GRIP2: variants seen among roughly 807,000 people sequenced by gnomAD.
The protein encoded by GRIP2 is glutamate receptor interacting protein 2.
GRIP2 carries 58 observed loss-of-function variants against 108.3 expected under a neutral mutation model. That is an observed-to-expected ratio of 0.54 (90% CI 0.43 to 0.67). The LOEUF (loss-of-function observed/expected upper bound fraction) is 0.67, where lower values mean the gene tolerates loss of function less well. GRIP2 is among the 30% of genes least tolerant of loss of function. The probability of loss-of-function intolerance (pLI) is 0.00; values close to 1 mark genes in which losing one functional copy is unlikely to be tolerated. For missense variants in GRIP2, 1,278 were observed against 1,430.6 expected (o/e 0.89, Z 1.72); for synonymous variants, 586 against 598.2 (o/e 0.98, Z 0.30).
chr3:14,510,258 GTTT>G (rs148444184), intron 16 of GRIP2, among the ~76,000 whole-genome samples: 150 of 92,242 alleles, frequency 1.6e-3, no homozygotes, highest in Middle Eastern at 6.0e-3. Flanking sequence ...ATCATCCGTT[GTTT>G]TTTTTTTTTT....
chr3:14,573,704 G>T, the GRIP2 span: 1 of 1,418,086 alleles, frequency 7.1e-7, no homozygotes, highest in Non-Finnish European at 9.9e-7. Flanking sequence ...TCGGCCACTT[G>T]GTAATGTCTT....
In GRIP2 at chr3:14,505,023, G is replaced by T. The variant is rs941551820; in HGVS notation, c.2573+592C>A. Among the ~76,000 whole-genome samples the T allele has an allele frequency of 2.6e-5, 4 of 152,184 alleles. No homozygotes were observed. The highest frequency in any genetic ancestry group is 9.7e-5 in the African/African-American group (4 of 41,446). On this transcript the variant is annotated intron_variant, in intron 20 of 23. Coordinates refer to ENST00000621039, the MANE Select transcript of GRIP2 (RefSeq NM_001080423.4). The surrounding 1 kb of genome is among the most constrained non-coding windows in gnomAD (Gnocchi z 4.2). ...GAATCCCTTCTGCCTGAGAAAGACA[G>T]GGAAGCTTCCCAGAGGCAGGAGAAT...
the GRIP2 span, among the ~76,000 whole-genome samples, chr3:14,580,889 T>C: frequency 2.0e-4 from 30 of 152,226 alleles, 1 homozygote; most frequent in Middle Eastern, 6.8e-3. Flanking sequence ...ATGCAATCAG[T>C]AGTGAAATTA....
In GRIP2 at chr3:14,522,909, G is replaced by A; in HGVS notation, c.566+91C>T. ...CTCAGGGCCTCGATCTCTTCATCTG[G>A]GGAAGGGGCATGGTGACCCCACTCC... On this transcript the variant is annotated intron_variant, in intron 6 of 23. Coordinates refer to ENST00000621039, the MANE Select transcript of GRIP2 (RefSeq NM_001080423.4). The surrounding 1 kb of genome is among the most constrained non-coding windows in gnomAD (Gnocchi z 4.3). 1 of 1,044,060 alleles carries A rather than the reference G, an allele frequency of 9.6e-7. No homozygotes were observed. Among genetic ancestry groups the A allele is most frequent in the African/African-American group, 1.6e-5 (1 of 64,076 alleles). 64.7% of individuals were successfully genotyped at this position (1,044,060 alleles called of 1,614,324 possible).
At chr3:14,549,452 C>T (rs569097809) in intron 1 of GRIP2, among the ~76,000 whole-genome samples, 3 of 152,330 alleles carry the variant, frequency 2.0e-5, no homozygotes, top group Non-Finnish European at 2.9e-5. Flanking sequence ...AGTCTGGATG[C>T]GGCTTCAGTG....
At chr3:14,523,424 T>C in intron 5 of GRIP2, 188 bp downstream of exon 5, 1 of 594,486 alleles carries the variant, frequency 1.7e-6, no homozygotes, top group Non-Finnish European at 3.0e-6. Flanking sequence ...CCTCTCACTC[T>C]CCCCAACCAA....
chr3:14,517,296 A>G lies in GRIP2; in HGVS notation c.1157-83T>C, dbSNP rs937133018. 7.9e-6 allele frequency: 11 copies of G among 1,389,070 alleles called. No homozygotes were observed. In the African/African-American group the frequency reaches 1.6e-4, roughly 21 times the overall value. The allele number at this position is 1,389,070 out of a possible 1,614,324, so 86.0% of individuals were successfully genotyped here. A position where few individuals can be genotyped will look rare whatever the true frequency, so the allele number is the denominator to read the frequency against. On this transcript the variant is annotated intron_variant, in intron 10 of 23. Coordinates refer to ENST00000621039, the MANE Select transcript of GRIP2 (RefSeq NM_001080423.4). Reference sequence around the variant, plus strand: ...ACAGTGGGTGCTGGGAAGCCACCCAACCACAGGGAGAGATGGGGATGCCTT... The same window carrying G: ...ACAGTGGGTGCTGGGAAGCCACCCAGCCACAGGGAGAGATGGGGATGCCTT...
intron 1 of GRIP2, among the ~76,000 whole-genome samples, chr3:14,554,137 A>C (rs1695196853): frequency 2.6e-5 from 4 of 152,154 alleles, no homozygotes; most frequent in Admixed American, 6.5e-5. Context: ...TCGGCACTGC[A>C]ATCTCAGAAG....
chr3:14,581,676 G>C, the GRIP2 span, among the ~76,000 whole-genome samples: 1 of 152,254 alleles, frequency 6.6e-6, no homozygotes, highest in South Asian at 2.1e-4. Context: ...CCCAGAGAAA[G>C]AGAGAAGTGA....
intron 17 of GRIP2, among the ~76,000 whole-genome samples, chr3:14,508,599 C>G (rs1693995002): frequency 6.6e-6 from 1 of 152,072 alleles, no homozygotes; most frequent in Non-Finnish European, 1.5e-5. Context: ...GTGAGCGAGT[C>G]AGGGAATGGT....
In GRIP2 at chr3:14,540,168, C is replaced by T. The variant is rs1694931002; in HGVS notation, c.40+101G>A. On this transcript the variant is annotated intron_variant, in intron 1 of 23. Transcript: ENST00000621039. The surrounding 1 kb of genome is among the most constrained non-coding windows in gnomAD (Gnocchi z 4.1). Reference sequence around the variant, plus strand: ...CCCTGGGTCTCCAGGGAGTGGCAGTCCCAGGTCTCAGCCATCCAGTCCCCT... The same window carrying T: ...CCCTGGGTCTCCAGGGAGTGGCAGTTCCAGGTCTCAGCCATCCAGTCCCCT... 1 of 1,430,664 alleles carries T rather than the reference C, an allele frequency of 7.0e-7. No homozygotes were observed. Among genetic ancestry groups the T allele is most frequent in the Non-Finnish European group, 9.5e-7 (1 of 1,053,782 alleles). 88.6% of individuals were successfully genotyped at this position (1,430,664 alleles called of 1,614,324 possible).
chr3:14,506,179 G>A (rs967627753), intron 19 of GRIP2, among the ~76,000 whole-genome samples: 8 of 152,200 alleles, frequency 5.3e-5, no homozygotes, highest in Non-Finnish European at 1.0e-4. Context: ...GCAGGTGTCC[G>A]CAGGCAAGAA....
At chr3:14,571,022 C>A in the GRIP2 span, among the ~76,000 whole-genome samples, 2 of 152,144 alleles carry the variant, frequency 1.3e-5, no homozygotes, top group Admixed American at 1.3e-4. Context: ...CATCCCTGTC[C>A]CCTACCACTG....
intron 1 of GRIP2, among the ~76,000 whole-genome samples, chr3:14,551,221 C>T (rs756525701): frequency 6.6e-5 from 10 of 152,170 alleles, no homozygotes; most frequent in Admixed American, 2.0e-4. Flanking sequence ...GGGCTGGGAG[C>T]CTTCACAACG....
chr3:14,547,823 C>T (rs1480541854), intron 1 of GRIP2, among the ~76,000 whole-genome samples: 1 of 152,184 alleles, frequency 6.6e-6, no homozygotes, highest in Non-Finnish European at 1.5e-5. Context: ...ATTAAGCATC[C>T]AATCTCAGGA....
chr3:14,531,402 G>A (rs1322224187), intron 1 of GRIP2, among the ~76,000 whole-genome samples: 1 of 152,212 alleles, frequency 6.6e-6, no homozygotes, highest in Non-Finnish European at 1.5e-5. Context: ...CTGGAAGCTT[G>A]TCTGGTCACC....
Position 14,492,528 on chromosome 3 carries a change from G to C in GRIP2, c.*1137C>G, listed in dbSNP as rs1267507762. On this transcript the variant is annotated 3_prime_UTR_variant, in exon 24 of 24. Transcript: ENST00000621039. ...TGCTTCCAGATTTCAAGTGGGAATA[G>C]ACTTCTTTGAATAAGCACTTTGGAC... 6.6e-6 allele frequency: 1 copy of C among 152,216 alleles called. No homozygotes were observed. Among genetic ancestry groups the C allele is most frequent in the Non-Finnish European group, 1.5e-5 (1 of 68,062 alleles). 9.4% of individuals were successfully genotyped at this position (152,216 alleles called of 1,614,324 possible). A position where few individuals can be genotyped will look rare whatever the true frequency, so the allele number is the denominator to read the frequency against.
chr3:14,548,819 G>C (rs1426640963), intron 1 of GRIP2, among the ~76,000 whole-genome samples: 3 of 152,198 alleles, frequency 2.0e-5, no homozygotes, highest in Non-Finnish European at 4.4e-5. Context: ...GCCCAACTAG[G>C]ATGGGCAGAG....
intron 4 of GRIP2, 61 bp downstream of exon 4, chr3:14,524,332 G>A: frequency 6.4e-7 from 1 of 1,550,998 alleles, no homozygotes. Flanking sequence ...CTGGTGGGGA[G>A]GTAGCCGTGT....
Sources: gnomAD v4.1 joint callset for allele counts (sites outside exome capture counted in the v4.1 genomes callset) on GRCh38, gnomAD v4.1.1 for gene constraint, Gnocchi (gnomAD v3.1) non-coding constraint, MANE v1.5 for transcripts, NCBI Gene and HGNC (gene_info 2026-07-23, HGNC 2026-07-21) for gene names.